CFAP299: variants seen among roughly 807,000 people sequenced by gnomAD.
The protein encoded by CFAP299 is cilia and flagella associated protein 299.
A neutral mutation model predicts 27.0 loss-of-function variants in CFAP299; 21 were observed. The ratio of observed to expected loss-of-function variants is 0.78; its 90% CI spans 0.55 to 1.12. The LOEUF (loss-of-function observed/expected upper bound fraction) is 1.12. CFAP299 is among the 50% of genes most tolerant of loss of function. CFAP299 has a pLI of 0.00. For synonymous variants in CFAP299, 104 were observed against 98.1 expected (o/e 1.06, Z -0.36); for missense variants, 310 against 276.6 (o/e 1.12, Z -0.86).
chr4:80,494,178 A>T (rs987730675), intron 2 of CFAP299, among the ~76,000 whole-genome samples: 1 of 152,062 alleles, frequency 6.6e-6, no homozygotes, highest in African/African-American at 2.4e-5. Context: ...CCTGTCCAAA[A>T]GAGACCCTAG....
chr4:80,563,145 A>T (rs1274127870), intron 2 of CFAP299, among the ~76,000 whole-genome samples: 1 of 152,116 alleles, frequency 6.6e-6, no homozygotes, highest in Non-Finnish European at 1.5e-5. Context: ...TCATCCAGAT[A>T]GAAAATCAAC....
chr4:80,960,673 C>G (rs1578270054), intron 5 of CFAP299, among the ~76,000 whole-genome samples: 1 of 151,806 alleles, frequency 6.6e-6, no homozygotes, highest in East Asian at 1.9e-4. Context: ...GTCAGTCTGT[C>G]CCTATTCTCA....
chr4:80,892,782 C>T (rs551531523), intron 4 of CFAP299, among the ~76,000 whole-genome samples: 37 of 151,966 alleles, frequency 2.4e-4, no homozygotes, highest in South Asian at 6.2e-4. Context: ...TATTCGATGG[C>T]GAAAAACCGA....
chr4:80,734,147 G>T (rs754164252), intron 3 of CFAP299, among the ~76,000 whole-genome samples: 1 of 151,832 alleles, frequency 6.6e-6, no homozygotes, highest in Non-Finnish European at 1.5e-5. Flanking sequence ...CTGACTTTTG[G>T]GTAAAATCAT....
chr4:80,897,890 A>G (rs1320130002), intron 4 of CFAP299, among the ~76,000 whole-genome samples: 1 of 152,164 alleles, frequency 6.6e-6, no homozygotes, highest in South Asian at 2.1e-4. Flanking sequence ...CACGGGCCTC[A>G]CAACAGGGGT....
At chr4:80,623,212 A>G (rs1407755322) in intron 3 of CFAP299, among the ~76,000 whole-genome samples, 2 of 152,132 alleles carry the variant, frequency 1.3e-5, no homozygotes, top group Non-Finnish European at 2.9e-5. Context: ...CTTTCACTCA[A>G]ATGAGTTTGC....
intron 2 of CFAP299, among the ~76,000 whole-genome samples, chr4:80,451,683 T>C (rs933693993): frequency 2.0e-5 from 3 of 152,230 alleles, no homozygotes; most frequent in Admixed American, 2.0e-4. Flanking sequence ...TCCTTTCCTC[T>C]TTTGGCTGTT....
At chr4:80,873,215 CA>C (rs1386866010) in intron 4 of CFAP299, 3 of 159,326 alleles carry the variant, frequency 1.9e-5, no homozygotes, top group Admixed American at 6.5e-5. Context: ...GAACTAAAGC[CA>C]AAATTTAAAA....
chr4:80,574,861 T>C (rs2109859335), intron 2 of CFAP299, among the ~76,000 whole-genome samples: 1 of 152,272 alleles, frequency 6.6e-6, no homozygotes, highest in Middle Eastern at 3.4e-3. Context: ...TTCAGTTTGC[T>C]AGTATTTTGC....
intron 2 of CFAP299, among the ~76,000 whole-genome samples, chr4:80,557,314 A>G (rs927051239): frequency 1.3e-5 from 2 of 152,120 alleles, no homozygotes; most frequent in Non-Finnish European, 2.9e-5. Flanking sequence ...TCACAAAAGC[A>G]GTTCATTTTG....
chr4:80,527,523 G>C lies in CFAP299; in HGVS notation c.243-55570G>C, dbSNP rs202156923. Among the ~76,000 whole-genome samples the C allele has an allele frequency of 2.0e-3, 310 of 152,132 alleles. 3 individuals are homozygous for C. Among genetic ancestry groups the C allele is most frequent in the South Asian group, 3.1e-3 (15 of 4,826 alleles). ...GCTCCTAATAACTTTCTGTTGTTTA[G>C]AGGATAGTGAGCAAAGGCAGAATTA... On this transcript the variant is annotated intron_variant, in intron 2 of 5. Transcript: ENST00000358105.
At position 80,558,350 on chromosome 4, in the gene CFAP299, G is replaced by GT. The variant is rs1352651407; in HGVS notation, c.243-24740dup. Among the ~76,000 whole-genome samples, 48 of 132,216 alleles carry GT rather than the reference G, an allele frequency of 3.6e-4. 2 individuals are homozygous for GT. The highest frequency in any genetic ancestry group is 1.4e-3 in the African/African-American group (45 of 33,058). 86.7% of individuals were successfully genotyped at this position (132,216 alleles called of 152,430 possible). ...GAAGACTTTTGTGGTTTTTTTGTTT[G>GT]TTTGTTTGTTTGTTTGTTTTTTTTT... On this transcript the variant is annotated intron_variant, in intron 2 of 5. Coordinates refer to ENST00000358105, the MANE Select transcript of CFAP299 (RefSeq NM_152770.3).
intron 3 of CFAP299, among the ~76,000 whole-genome samples, chr4:80,682,896 T>A (rs1578013131): frequency 1.3e-5 from 2 of 152,168 alleles, no homozygotes; most frequent in African/African-American, 4.8e-5. Flanking sequence ...TGATTATAGA[T>A]AAAATGATGA....
chr4:80,617,797 G>A (rs1394146620), intron 3 of CFAP299, among the ~76,000 whole-genome samples: 1 of 152,086 alleles, frequency 6.6e-6, no homozygotes, highest in African/African-American at 2.4e-5. Flanking sequence ...AAACTAGAGG[G>A]TAAGCATTTT....
At chr4:80,917,757 AT>A (rs1222931649) in intron 4 of CFAP299, among the ~76,000 whole-genome samples, 2 of 152,108 alleles carry the variant, frequency 1.3e-5, no homozygotes, top group Non-Finnish European at 2.9e-5. Context: ...ACAACAAATT[AT>A]TTTTTTGTTC....
intron 2 of CFAP299, among the ~76,000 whole-genome samples, chr4:80,400,229 A>C (rs1008002248): frequency 6.6e-6 from 1 of 152,278 alleles, no homozygotes; most frequent in African/African-American, 2.4e-5. Flanking sequence ...CATTTTAACT[A>C]TCCTTTGCTG....
chr4:80,797,828 G>T (rs536751428), intron 3 of CFAP299, among the ~76,000 whole-genome samples: 1 of 152,100 alleles, frequency 6.6e-6, no homozygotes, highest in Non-Finnish European at 1.5e-5. Context: ...CAAGCCTCTG[G>T]ATCCCTTCCT....
chr4:80,734,065 C>T (rs1723704542), intron 3 of CFAP299, among the ~76,000 whole-genome samples: 1 of 152,082 alleles, frequency 6.6e-6, no homozygotes, highest in Non-Finnish European at 1.5e-5. Flanking sequence ...AGTGGTTGTA[C>T]TAATTTATAT....
In CFAP299 at chr4:80,730,256, G is replaced by C. The variant is rs1281362922; in HGVS notation, c.334-139737G>C. 4.6e-3 allele frequency among the ~76,000 whole-genome samples: 684 copies of C among 147,600 alleles called. 3 individuals are homozygous for C. The highest frequency in any genetic ancestry group is 0.021 in the Middle Eastern group (6 of 292). On this transcript the variant is annotated intron_variant, in intron 3 of 5. Coordinates refer to ENST00000358105, the MANE Select transcript of CFAP299 (RefSeq NM_152770.3). ...TCTCTCTCTCTCTCTCTCTGTGTGT[G>C]TGTGTGTGTGTGTGTGTGTGTGTAT...
Sources: allele counts gnomAD v4.1 joint callset (sites outside exome capture counted in the v4.1 genomes callset), GRCh38; gene constraint gnomAD v4.1.1; transcripts MANE v1.5; gene names NCBI Gene and HGNC (gene_info 2026-07-23, HGNC 2026-07-21).